Variants in DROSHA observed in about 807,000 individuals in gnomAD.
DROSHA encodes the protein drosha ribonuclease III.
DROSHA carries 56 observed loss-of-function variants against 181.9 expected under a neutral mutation model. The observed-to-expected ratio is 0.31, with a 90% CI of 0.25 to 0.38. DROSHA has a LOEUF of 0.38. DROSHA is among the 10% of genes least tolerant of loss of function. The probability of loss-of-function intolerance (pLI) is 1.00; values close to 1 mark genes in which losing one functional copy is unlikely to be tolerated. For missense variants in DROSHA, 1,218 were observed against 1,743.5 expected (o/e 0.70, Z 5.37); for synonymous variants, 524 against 591.2 (o/e 0.89, Z 1.65).
At chr5:31,463,174 G>T (rs1437637916) in intron 20 of DROSHA, among the ~76,000 whole-genome samples, 1 of 152,146 alleles carries the variant, frequency 6.6e-6, no homozygotes, top group Non-Finnish European at 1.5e-5. Context: ...TTGTCAATCG[G>T]TAAAATAATT....
rs1214827124 is a variant in DROSHA at position 31,470,902 on chromosome 5, G to A, written c.2241+1161C>T. Among the ~76,000 whole-genome samples, 1 of 152,048 alleles carries A rather than the reference G, an allele frequency of 6.6e-6. No homozygotes were observed. Among genetic ancestry groups the A allele is most frequent in the Non-Finnish European group, 1.5e-5 (1 of 68,010 alleles). The stretch of plus-strand genomic sequence containing the variant: ...CTGACTCAGCATGAAAAGTGACAGA[G>A]GGAATATCAATATATGCAACTGTTT... On this transcript the variant is annotated intron_variant, in intron 17 of 35. Transcript: ENST00000344624. This position sits in a 1 kb window ranked among gnomAD's most constrained non-coding sequence, Gnocchi z 4.0.
At chr5:31,441,687 T>C (rs1463778448) in intron 23 of DROSHA, among the ~76,000 whole-genome samples, 1 of 152,212 alleles carries the variant, frequency 6.6e-6, no homozygotes, top group Non-Finnish European at 1.5e-5. Flanking sequence ...GGTAAGACAA[T>C]GTTAACTCCT....
At position 31,492,104 on chromosome 5, in the gene DROSHA, C is replaced by A. The variant is rs1752493380; in HGVS notation, c.1842+1103G>T. On this transcript the variant is annotated intron_variant, in intron 13 of 35. Coordinates refer to ENST00000344624, the MANE Select transcript of DROSHA (RefSeq NM_001382508.1). The stretch of plus-strand genomic sequence containing the variant: ...CCACCGCACCCAGCCCATATTATTG[C>A]TTTTCTACATTAGTGAACAGATGGT... Among the ~76,000 whole-genome samples the A allele has an allele frequency of 2.0e-5, 3 of 152,264 alleles. No individual in the cohort carries two copies. The South Asian group carries it at 6.2e-4, about 32-fold the overall frequency.
Position 31,484,360 on chromosome 5 carries a change from G to A in DROSHA, c.1996+521C>T, listed in dbSNP as rs939430093. ...CTGCAGTCCGCAGTCCGGCCTGGGC[G>A]ACAGAGCGAGACTCCGTCTCAAAAA... On this transcript the variant is annotated intron_variant, in intron 15 of 35. Coordinates refer to ENST00000344624, the MANE Select transcript of DROSHA (RefSeq NM_001382508.1). Among the ~76,000 whole-genome samples the A allele has an allele frequency of 4.2e-4, 44 of 105,176 alleles. 1 individual carries two copies. Among genetic ancestry groups the A allele is most frequent in the Admixed American group, 6.8e-4 (6 of 8,880 alleles). 69.0% of individuals were successfully genotyped at this position (105,176 alleles called of 152,430 possible). A position where few individuals can be genotyped will look rare whatever the true frequency, so the allele number is the denominator to read the frequency against.
intron 13 of DROSHA, among the ~76,000 whole-genome samples, chr5:31,489,574 C>T (rs1487518786): frequency 6.6e-6 from 1 of 152,190 alleles, no homozygotes; most frequent in Non-Finnish European, 1.5e-5. Flanking sequence ...CAAAATACCT[C>T]CCAACAAATG....
intron 13 of DROSHA, among the ~76,000 whole-genome samples, chr5:31,489,579 C>A (rs1752151738): frequency 6.6e-6 from 1 of 152,152 alleles, no homozygotes; most frequent in South Asian, 2.1e-4. Flanking sequence ...TACCTCCCAA[C>A]AAATGCCATC....
At position 31,498,913 on chromosome 5, in the gene DROSHA, C is replaced by A. The variant is rs6859448; in HGVS notation, c.1669-3541G>T. Reference sequence around the variant, plus strand: ...AGCCAGCACAAGAAGTGTGCTGTGACAGCATCAGTTGTGATGGCATCATTG... The same window carrying A: ...AGCCAGCACAAGAAGTGTGCTGTGAAAGCATCAGTTGTGATGGCATCATTG... On this transcript the variant is annotated intron_variant, in intron 11 of 35. Transcript: ENST00000344624. 4.9e-3 allele frequency among the ~76,000 whole-genome samples: 740 copies of A among 151,864 alleles called. 8 individuals are homozygous for A. The highest frequency in any genetic ancestry group is 0.017 in the African/African-American group (700 of 41,402).
intron 16 of DROSHA, 74 bp from the exon 17 acceptor site, chr5:31,472,306 A>G (rs1434573144): frequency 4.1e-6 from 6 of 1,467,518 alleles, no homozygotes; most frequent in Non-Finnish European, 5.4e-6. Flanking sequence ...ACAACTGAAT[A>G]AGGAAAAAAA....
chr5:31,439,547 T>C (rs1306313712), intron 23 of DROSHA, among the ~76,000 whole-genome samples: 1 of 152,086 alleles, frequency 6.6e-6, no homozygotes, highest in Non-Finnish European at 1.5e-5. Flanking sequence ...TATCATGGGG[T>C]TTGGTGTACA....
At chr5:31,402,025 A>G (rs16901087) in intron 35 of DROSHA, among the ~76,000 whole-genome samples, 5,825 of 152,320 alleles carry the variant, frequency 0.038, 248 homozygotes, top group African/African-American at 0.1. Flanking sequence ...TTAAAGATTC[A>G]GAAAAGAGCA....
In DROSHA at chr5:31,529,067, C is replaced by T. The variant is rs1368924851; in HGVS notation, c.-8G>A. 5.0e-6 allele frequency: 8 copies of T among 1,612,864 alleles called. No homozygotes were observed. Among genetic ancestry groups the T allele is most frequent in the South Asian group, 1.1e-5 (1 of 90,588 alleles). ...TGTGTTTCCCTGCATCATGATGTTC[C>T]GCCTGGATATGTCACATCTTCCACA... On this transcript the variant is annotated 5_prime_UTR_variant, in exon 4 of 36. Coordinates refer to ENST00000344624, the MANE Select transcript of DROSHA (RefSeq NM_001382508.1).
intron 11 of DROSHA, among the ~76,000 whole-genome samples, chr5:31,501,505 C>G (rs1295324906): frequency 2.6e-5 from 4 of 151,944 alleles, no homozygotes; most frequent in African/African-American, 9.7e-5. Flanking sequence ...CAATATTGCA[C>G]TGTGGGGATG....
intron 30 of DROSHA, among the ~76,000 whole-genome samples, chr5:31,417,137 G>A (rs1742040470): frequency 6.6e-6 from 1 of 152,168 alleles, no homozygotes; most frequent in African/African-American, 2.4e-5. Flanking sequence ...AGGCCTTATT[G>A]ATAAGATGAC....
At chr5:31,506,362 CAA>C (rs35198823) in intron 10 of DROSHA, among the ~76,000 whole-genome samples, 1 of 123,950 alleles carries the variant, frequency 8.1e-6, no homozygotes, top group Non-Finnish European at 1.6e-5. Flanking sequence ...GACCCCGTCT[CAA>C]AAAAAAAAAA....
At chr5:31,479,458 T>C (rs1025702118) in intron 16 of DROSHA, among the ~76,000 whole-genome samples, 1 of 152,162 alleles carries the variant, frequency 6.6e-6, no homozygotes, top group South Asian at 2.1e-4. Flanking sequence ...CCATATCTCA[T>C]ACGAATTGTG....
chr5:31,444,568 T>C (rs778057841), intron 23 of DROSHA, among the ~76,000 whole-genome samples: 18 of 152,112 alleles, frequency 1.2e-4, no homozygotes, highest in Admixed American at 5.9e-4. Flanking sequence ...ACAACTGCGG[T>C]AGGGGAAGAT....
At chr5:31,423,148 C>T (rs1194863213) in intron 28 of DROSHA, 4 of 499,860 alleles carry the variant, frequency 8.0e-6, no homozygotes, top group South Asian at 2.6e-5. Flanking sequence ...TAATATTTTC[C>T]AATCTTCTAT....
intron 16 of DROSHA, among the ~76,000 whole-genome samples, chr5:31,475,052 T>A: frequency 6.6e-6 from 1 of 152,196 alleles, no homozygotes; most frequent in East Asian, 1.9e-4. Flanking sequence ...GCATGGTGGC[T>A]CACGCCTGTA....
intron 27 of DROSHA, among the ~76,000 whole-genome samples, chr5:31,427,929 T>C (rs1743683577): frequency 1.3e-5 from 2 of 152,214 alleles, no homozygotes; most frequent in East Asian, 1.9e-4. Flanking sequence ...AACCCATACA[T>C]TGTGAGCCTT....
Sources: gnomAD v4.1 joint callset for allele counts (sites outside exome capture counted in the v4.1 genomes callset) on GRCh38, gnomAD v4.1.1 for gene constraint, Gnocchi (gnomAD v3.1) non-coding constraint, MANE v1.5 for transcripts, NCBI Gene and HGNC (gene_info 2026-07-23, HGNC 2026-07-21) for gene names.